Variants in VRTN observed in about 807,000 individuals in gnomAD.
VRTN encodes the protein vertebrae development associated.
In VRTN, 5 loss-of-function variants were observed where a neutral mutation model predicts 18.2. The observed-to-expected ratio is 0.27, with a 90% CI of 0.14 to 0.58. VRTN has a LOEUF of 0.58. Among genes scored for constraint, VRTN ranks in the 20% least tolerant of loss-of-function variants. VRTN has a pLI of 0.91. For synonymous variants in VRTN, 381 were observed against 393.7 expected (o/e 0.97, Z 0.38); for missense variants, 741 against 939.4 (o/e 0.79, Z 2.76).
Position 74,359,787 on chromosome 14 carries a change from GTC to G in VRTN, c.*899_*900del, listed in dbSNP as rs1371899521. The stretch of plus-strand genomic sequence containing the variant: ...CTCTGTTTGCAGATTATGGCCCAGA[GTC>G]TCTGCTTGTGGGTGCTTGATCCACC... On this transcript the variant is annotated 3_prime_UTR_variant, in exon 2 of 2. Coordinates refer to ENST00000256362, the MANE Select transcript of VRTN (RefSeq NM_018228.3). 3.6e-5 allele frequency: 6 copies of G among 167,060 alleles called. No individual in the cohort carries two copies. The highest frequency in any genetic ancestry group is 8.8e-5 in the Non-Finnish European group (6 of 68,216). 10.3% of individuals were successfully genotyped at this position (167,060 alleles called of 1,614,324 possible). A position where few individuals can be genotyped will look rare whatever the true frequency, so the allele number is the denominator to read the frequency against.
At chr14:74,335,249 C>G (rs1307301862) in intron 1 of VRTN, among the ~76,000 whole-genome samples, 1 of 152,166 alleles carries the variant, frequency 6.6e-6, no homozygotes, top group Non-Finnish European at 1.5e-5. Flanking sequence ...CCACTGCACT[C>G]CAGCCTGGGT....
rs1003105626 is a variant in VRTN, at chr14:74,332,347, T to G, written c.-163-5376T>G. On this transcript the variant is annotated intron_variant, in intron 1 of 2. Transcript: ENST00000557177. ...CGACTCCTAATCTGTTTTTTTTTTT[T>G]TTTTTTTTTTTTTTTTTTTTTTTTT... is the stretch of plus-strand genomic sequence containing the variant. Among the ~76,000 whole-genome samples the G allele has an allele frequency of 5.3e-3, 159 of 30,208 alleles. No homozygotes were observed. The East Asian group carries it at 0.27, about 51-fold the overall frequency. The allele number at this position is 30,208 out of a possible 152,430, so 19.8% of individuals were successfully genotyped here. A position where few individuals can be genotyped will look rare whatever the true frequency, so the allele number is the denominator to read the frequency against.
At chr14:74,305,911 C>A (rs2140189143) in intron 1 of VRTN, 1 of 151,916 alleles carries the variant, frequency 6.6e-6, no homozygotes, top group East Asian at 1.9e-4. Context: ...ACTAGGATTA[C>A]AAGTGTGAGC....
chr14:74,341,614 G>A (rs1310222563), intron 2 of VRTN, among the ~76,000 whole-genome samples: 1 of 152,176 alleles, frequency 6.6e-6, no homozygotes, highest in Non-Finnish European at 1.5e-5. Context: ...CGCTTCCTGG[G>A]TTCAAGTGAT....
At chr14:74,326,889 G>A (rs1017267845) in intron 1 of VRTN, among the ~76,000 whole-genome samples, 6 of 152,136 alleles carry the variant, frequency 3.9e-5, no homozygotes, top group African/African-American at 1.2e-4. Context: ...ATAGGGCAGC[G>A]GGATATGGGT....
At chr14:74,345,433 C>A (rs1008288077), upstream of VRTN, among the ~76,000 whole-genome samples, 1 of 146,184 alleles carries the variant, frequency 6.8e-6, no homozygotes, top group East Asian at 2.1e-4. Flanking sequence ...CTCACTGCAA[C>A]CTCTGTCTCC....
intron 1 of VRTN, among the ~76,000 whole-genome samples, chr14:74,351,449 A>C (rs2140211714): frequency 6.6e-6 from 1 of 152,044 alleles, no homozygotes; most frequent in East Asian, 1.9e-4. Flanking sequence ...ATTTTAAAGA[A>C]ATCCACAGCC....
At chr14:74,335,686 GAA>G (rs1267916603) in intron 1 of VRTN, among the ~76,000 whole-genome samples, 1 of 151,442 alleles carries the variant, frequency 6.6e-6, no homozygotes, top group Non-Finnish European at 1.5e-5. Context: ...TACAGGCTTA[GAA>G]ATTTTCAATA....
chr14:74,351,421 AT>A (rs1205454494), intron 1 of VRTN, among the ~76,000 whole-genome samples: 1 of 151,386 alleles, frequency 6.6e-6, no homozygotes, highest in African/African-American at 2.4e-5. Context: ...GTTATACCAG[AT>A]TTGTTATAAT....
rs752440177 is a variant in VRTN, at chr14:74,358,863, T to C, written c.2080T>C (p.Tyr694His). ...ATACTACATGTGGAAGCGAGCCCTCTATGACGGCCTGACCCTGGTAGATGG... is the reference window on the plus strand; with the variant it reads ...ATACTACATGTGGAAGCGAGCCCTCCATGACGGCCTGACCCTGGTAGATGG... Reference protein sequence around the residue: ...STYYMWKRALYDGLTLVDG With the variant: ...STYYMWKRALHDGLTLVDG The change falls in exon 2 of 2, where the codon TAT becomes CAT. Residue 694 changes from tyrosine to histidine, a missense_variant. By Grantham distance (83) the Tyr-to-His change is moderately conservative. This residue lies in a region of VRTN where 61 missense variants were observed against 104.6 expected (regional missense o/e 0.58). Coordinates refer to ENST00000256362, the MANE Select transcript of VRTN (RefSeq NM_018228.3). The surrounding 1 kb of genome is among the most constrained non-coding windows in gnomAD (Gnocchi z 5.4). The C allele has an allele frequency of 1.9e-6, 3 of 1,613,038 alleles. No homozygotes were observed. The highest frequency in any genetic ancestry group is 2.5e-6 in the Non-Finnish European group (3 of 1,179,286).
Position 74,358,212 on chromosome 14 carries a change from A to T in VRTN, c.1429A>T (p.Ser477Cys). ...VGEGAVIPWK[S>C]EAEEGAGNAT... ...GGAAGGGGCTGTAATTCCTTGGAAG[A>T]GTGAGGCGGAAGAGGGGGCAGGGAA... The change falls in exon 2 of 2, where the codon AGT becomes TGT. Residue 477 changes from serine (S) to cysteine (C), a missense_variant. Ser to Cys is a moderately radical substitution (Grantham distance 112). Around this residue, in one of 3 missense-constraint regions of VRTN, gnomAD observed 494 missense variants for 546.5 expected, o/e 0.90. Transcript: ENST00000256362. This position sits in a 1 kb window ranked among gnomAD's most constrained non-coding sequence, Gnocchi z 5.4. 1 of 1,613,014 alleles carries T rather than the reference A, an allele frequency of 6.2e-7. No individual in the cohort carries two copies. The highest frequency in any genetic ancestry group is 8.5e-7 in the Non-Finnish European group (1 of 1,179,490).
At chr14:74,309,637 C>T (rs2085375524) in intron 1 of VRTN, among the ~76,000 whole-genome samples, 1 of 152,146 alleles carries the variant, frequency 6.6e-6, no homozygotes, top group Non-Finnish European at 1.5e-5. Context: ...TTAGAGGCTG[C>T]ACTGAGCTAT....
chr14:74,331,063 A>G (rs941111074), intron 1 of VRTN, among the ~76,000 whole-genome samples: 7 of 151,966 alleles, frequency 4.6e-5, no homozygotes, highest in African/African-American at 9.6e-5. Flanking sequence ...TTAGCTGGGC[A>G]TGGTGGCGGG....
chr14:74,308,868 T>TTG (rs1346081723), intron 1 of VRTN, among the ~76,000 whole-genome samples: 2 of 25,846 alleles, frequency 7.7e-5, no homozygotes, highest in Non-Finnish European at 1.2e-4. Context: ...TTCTGTTTGT[T>TTG]TTTTTTTTTT....
chr14:74,357,701 C>T lies in VRTN; in HGVS notation c.918C>T (p.His306=). 1.9e-6 allele frequency: 3 copies of T among 1,613,624 alleles called. No homozygotes were observed. Among genetic ancestry groups the T allele is most frequent in the Non-Finnish European group, 2.5e-6 (3 of 1,179,998 alleles). Residue 306 remains histidine, a synonymous_variant, in exon 2 of 2, where the codon CAC becomes CAT. Transcript: ENST00000256362. This position sits in a 1 kb window ranked among gnomAD's most constrained non-coding sequence, Gnocchi z 7.8. ...GCTGGCGGCGGCAGTCCCAGGAGCA[C>T]CGGCAGAAGGTTGCTGCCCGCTTCT... ...FYRWRRQSQE[H]RQKVAARFSA...
In VRTN at chr14:74,357,864, C is replaced by A; in HGVS notation, c.1081C>A (p.Pro361Thr). 1 of 1,613,910 alleles carries A rather than the reference C, an allele frequency of 6.2e-7. No homozygotes were observed. The highest frequency in any genetic ancestry group is 8.5e-7 in the Non-Finnish European group (1 of 1,180,018). ...TGAGCTGCTGGGCTCTGGCACCTGC[C>A]CGGCCTTGCCCCCCAGGGAGGTGCT... The part of the protein sequence containing the change: ...KHELLGSGTC[P>T]ALPPREVLGM... Residue 361 changes from proline to threonine, a missense_variant, in exon 2 of 2, where the codon CCG becomes ACG. Coordinates refer to ENST00000256362, the MANE Select transcript of VRTN (RefSeq NM_018228.3). This position sits in a 1 kb window ranked among gnomAD's most constrained non-coding sequence, Gnocchi z 7.8.
chr14:74,309,164 T>C (rs540083449), intron 1 of VRTN, among the ~76,000 whole-genome samples: 3 of 152,262 alleles, frequency 2.0e-5, no homozygotes, highest in African/African-American at 7.2e-5. Context: ...CACCCTTTAT[T>C]GTTTCCTTCC....
chr14:74,333,531 A>G (rs2085542803), intron 1 of VRTN, among the ~76,000 whole-genome samples: 1 of 151,470 alleles, frequency 6.6e-6, no homozygotes, highest in African/African-American at 2.4e-5. Flanking sequence ...TCATTGAGTA[A>G]GAGTGAATAA....
upstream of VRTN, among the ~76,000 whole-genome samples, chr14:74,344,791 A>C (rs1003367418): frequency 4.0e-5 from 6 of 150,342 alleles, no homozygotes; most frequent in African/African-American, 1.5e-4. Context: ...ACCCTCTTTA[A>C]ATTTCATTGG....
Sources: gnomAD v4.1 joint callset for allele counts (sites outside exome capture counted in the v4.1 genomes callset) on GRCh38, gnomAD v4.1.1 for gene constraint, gnomAD v4.1.1 regional missense constraint, Gnocchi (gnomAD v3.1) non-coding constraint, MANE v1.5 for transcripts, NCBI Gene and HGNC (gene_info 2026-07-23, HGNC 2026-07-21) for gene names.